Variants in TRAPPC9 observed in about 807,000 individuals in gnomAD.
The protein encoded by TRAPPC9 is IKK2 binding protein.
TRAPPC9 carries 83 observed loss-of-function variants against 124.0 expected under a neutral mutation model. That is an observed-to-expected ratio of 0.67 (90% CI 0.56 to 0.80). The LOEUF is 0.80. Ranked by LOEUF, TRAPPC9 falls within the 30% of genes least tolerant of loss-of-function variation. The pLI, the probability that TRAPPC9 is intolerant of heterozygous loss-of-function variation, is 0.00. For missense variants in TRAPPC9, 1,302 were observed against 1,508.3 expected (o/e 0.86, Z 2.27); for synonymous variants, 638 against 617.5 (o/e 1.03, Z -0.49).
intron 19 of TRAPPC9, among the ~76,000 whole-genome samples, chr8:139,935,448 TGAGA>T (rs1391206208): frequency 6.6e-6 from 1 of 152,112 alleles, no homozygotes; most frequent in Non-Finnish European, 1.5e-5. Context: ...AGGAATTCAA[TGAGA>T]GAGAATGGAC....
rs576233539 is a variant in TRAPPC9 at position 139,864,056 on chromosome 8, G to A, written c.3055+21823C>T. On this transcript the variant is annotated intron_variant, in intron 21 of 22. Transcript: ENST00000438773. ...GCTAAGCACCCAACATTCTGGCCCA[G>A]CTCCATCAGGCCACCACAAAGCCCC... Among the ~76,000 whole-genome samples, 6 of 152,240 alleles carry A rather than the reference G, an allele frequency of 3.9e-5. No homozygotes were observed. The South Asian group carries it at 1.2e-3, about 32-fold the overall frequency.
intron 17 of TRAPPC9, among the ~76,000 whole-genome samples, chr8:140,195,248 C>A (rs1158607560): frequency 6.7e-6 from 1 of 150,314 alleles, no homozygotes; most frequent in Non-Finnish European, 1.5e-5. Flanking sequence ...ACCTGTGACA[C>A]TAAAACACAC....
chr8:139,938,167 G>T (rs1031891335), intron 19 of TRAPPC9, among the ~76,000 whole-genome samples: 9 of 152,308 alleles, frequency 5.9e-5, no homozygotes, highest in African/African-American at 2.2e-4. Flanking sequence ...TCCACCCATG[G>T]CTTCCTGGCA....
chr8:139,808,540 CT>C (rs1312747111), intron 21 of TRAPPC9, among the ~76,000 whole-genome samples: 2 of 152,186 alleles, frequency 1.3e-5, no homozygotes, highest in African/African-American at 4.8e-5. Context: ...ATATTTCTAT[CT>C]CCCTTCAGCA....
rs550612917 is a variant in TRAPPC9, at chr8:139,732,032, C to T, written c.3226G>A (p.Asp1076Asn). 5.6e-5 allele frequency: 90 copies of T among 1,603,522 alleles called. No individual in the cohort carries two copies. Among genetic ancestry groups the T allele is most frequent in the Non-Finnish European group, 7.5e-5 (88 of 1,175,040 alleles). ...ACGAAGGAGACGGTGTCGTGCAGGTCGTAGTTGTGCACGCCGTTCTGGTGG... is the reference window on the plus strand; with the variant it reads ...ACGAAGGAGACGGTGTCGTGCAGGTTGTAGTTGTGCACGCCGTTCTGGTGG... The part of the protein sequence containing the change: ...QDHQNGVHNY[D>N]LHDTVSFVGS... The change falls in exon 22 of 23, where the codon GAC becomes AAC. Residue 1076 changes from aspartate (D) to asparagine (N), a missense_variant. Physicochemically the swap from Asp to Asn is conservative, Grantham distance 23. This residue lies in a region of TRAPPC9 where 640 missense variants were observed against 679.3 expected (regional missense o/e 0.94). Coordinates refer to ENST00000438773, the MANE Select transcript of TRAPPC9 (RefSeq NM_001160372.4).
At chr8:140,043,664 G>T (rs76582723) in intron 17 of TRAPPC9, among the ~76,000 whole-genome samples, 1 of 152,148 alleles carries the variant, frequency 6.6e-6, no homozygotes, top group Non-Finnish European at 1.5e-5. Flanking sequence ...CACCTAGATC[G>T]CTGGGCCAAC....
chr8:140,119,894 C>T (rs1159914018), intron 17 of TRAPPC9, among the ~76,000 whole-genome samples: 1 of 152,172 alleles, frequency 6.6e-6, no homozygotes, highest in Non-Finnish European at 1.5e-5. Flanking sequence ...AAAGTATTTC[C>T]CTCCATCTCC....
chr8:139,982,507 C>A (rs1411629765), intron 19 of TRAPPC9, among the ~76,000 whole-genome samples: 1 of 152,214 alleles, frequency 6.6e-6, no homozygotes, highest in African/African-American at 2.4e-5. Flanking sequence ...TCCAGCTGCT[C>A]GACTGGAAAC....
chr8:140,198,268 C>T (rs577294176), intron 17 of TRAPPC9, among the ~76,000 whole-genome samples: 2 of 152,160 alleles, frequency 1.3e-5, no homozygotes, highest in Admixed American at 6.5e-5. Flanking sequence ...CTCCTCCTTG[C>T]CTGGGGACTA....
chr8:139,883,436 C>G (rs183064496), intron 21 of TRAPPC9, among the ~76,000 whole-genome samples: 1 of 152,238 alleles, frequency 6.6e-6, no homozygotes, highest in Non-Finnish European at 1.5e-5. Context: ...TGTAACACAG[C>G]AGGGGGCTGA....
chr8:140,158,105 T>G (rs1025252777), intron 17 of TRAPPC9, among the ~76,000 whole-genome samples: 9 of 152,214 alleles, frequency 5.9e-5, no homozygotes, highest in Admixed American at 5.9e-4. Flanking sequence ...CTTGGTGCAT[T>G]CATCCATTTT....
At chr8:140,210,270 C>T (rs756493299) in intron 17 of TRAPPC9, among the ~76,000 whole-genome samples, 1 of 152,232 alleles carries the variant, frequency 6.6e-6, no homozygotes, top group African/African-American at 2.4e-5. Context: ...AGGGCCACGC[C>T]GCTGTCTTCA....
intron 17 of TRAPPC9, among the ~76,000 whole-genome samples, chr8:140,140,992 C>T (rs2061374050): frequency 6.6e-6 from 1 of 152,208 alleles, no homozygotes; most frequent in Non-Finnish European, 1.5e-5. Context: ...CTACAGAGCA[C>T]TTCTACTGTC....
At chr8:139,756,091 G>T (rs751164437) in intron 21 of TRAPPC9, among the ~76,000 whole-genome samples, 254 of 87,516 alleles carry the variant, frequency 2.9e-3, no homozygotes, top group African/African-American at 7.9e-3. Context: ...TTGGGGATGA[G>T]GACAGCAGGT....
chr8:139,889,399 C>G (rs190307764), intron 20 of TRAPPC9, among the ~76,000 whole-genome samples: 1 of 152,182 alleles, frequency 6.6e-6, no homozygotes, highest in African/African-American at 2.4e-5. Flanking sequence ...CAGATATTTT[C>G]TAACCTCACT....
intron 2 of TRAPPC9, among the ~76,000 whole-genome samples, chr8:140,444,307 C>G (rs2132661844): frequency 6.6e-6 from 1 of 152,028 alleles, no homozygotes; most frequent in Non-Finnish European, 1.5e-5. Context: ...TTAAAAAGAG[C>G]TATTCCAGAA....
rs1283707462 is a variant in TRAPPC9, at chr8:139,825,760, G to C, written c.3055+60119C>G. 2.6e-5 allele frequency among the ~76,000 whole-genome samples: 4 copies of C among 152,108 alleles called. No homozygotes were observed. The East Asian group carries it at 7.7e-4, about 29-fold the overall frequency. Reference sequence around the variant, plus strand: ...AGCTTGCCCGGAAGGAAAAAGGGAGGCAATTCCGAAGAGCAGACGAGCCTC... The same window carrying C: ...AGCTTGCCCGGAAGGAAAAAGGGAGCCAATTCCGAAGAGCAGACGAGCCTC... On this transcript the variant is annotated intron_variant, in intron 21 of 22. Transcript: ENST00000438773. The surrounding 1 kb of genome is among the most constrained non-coding windows in gnomAD (Gnocchi z 4.6).
chr8:140,351,704 T>C (rs1235050662), intron 9 of TRAPPC9, among the ~76,000 whole-genome samples: 1 of 152,220 alleles, frequency 6.6e-6, no homozygotes, highest in Non-Finnish European at 1.5e-5. Context: ...TGAGTATCCC[T>C]AGGTTTTGGT....
At chr8:139,938,739 G>A (rs976400671) in intron 19 of TRAPPC9, among the ~76,000 whole-genome samples, 8 of 150,746 alleles carry the variant, frequency 5.3e-5, no homozygotes, top group Admixed American at 2.0e-4. Context: ...TCCGCTTCCC[G>A]GGTTCACGCC....
Sources: allele counts gnomAD v4.1 joint callset (sites outside exome capture counted in the v4.1 genomes callset), GRCh38; gene constraint gnomAD v4.1.1; regional missense constraint gnomAD v4.1.1; non-coding constraint Gnocchi (gnomAD v3.1); transcripts MANE v1.5; gene names NCBI Gene and HGNC (gene_info 2026-07-23, HGNC 2026-07-21).